The following PCDHA1 variants were observed in gnomAD, a reference collection of about 807,000 sequenced individuals.
The protein encoded by PCDHA1 is protocadherin alpha 1.
A neutral mutation model predicts 61.3 loss-of-function variants in PCDHA1; 42 were observed. The observed-to-expected ratio is 0.69, with a 90% CI of 0.54 to 0.89. The LOEUF (loss-of-function observed/expected upper bound fraction) is 0.89, where lower values mean the gene tolerates loss of function less well. Among genes scored for constraint, PCDHA1 ranks in the 40% least tolerant of loss-of-function variants. The pLI, the probability that PCDHA1 is intolerant of heterozygous loss-of-function variation, is 0.00. For synonymous variants in PCDHA1, 610 were observed against 553.8 expected, an observed-to-expected ratio of 1.10 and a Z score of -1.43; for missense variants, 1,256 against 1,235.3, an observed-to-expected ratio of 1.02 and a Z score of -0.25.
intron 3 of PCDHA1, among the ~76,000 whole-genome samples, chr5:140,990,307 A>C (rs1409511282): frequency 2.6e-5 from 4 of 152,132 alleles, no homozygotes; most frequent in Non-Finnish European, 5.9e-5. Flanking sequence ...TGTCTGTAAA[A>C]AACCAACCAA....
At chr5:140,987,432 T>G (rs1401623974) in intron 3 of PCDHA1, among the ~76,000 whole-genome samples, 1 of 152,152 alleles carries the variant, frequency 6.6e-6, no homozygotes, top group Non-Finnish European at 1.5e-5. Flanking sequence ...GCAGGGGGCC[T>G]TTCCCCATGC....
intron 3 of PCDHA1, among the ~76,000 whole-genome samples, chr5:140,989,698 A>G (rs145222021): frequency 6.6e-6 from 1 of 152,344 alleles, no homozygotes; most frequent in African/African-American, 2.4e-5. Flanking sequence ...TGAAAATTTT[A>G]TCTTCAGAGG....
chr5:140,858,135 T>G lies in PCDHA1; in HGVS notation c.2394+69451T>G, dbSNP rs1215623176. 3 of 1,597,334 alleles carry G rather than the reference T, an allele frequency of 1.9e-6. No homozygotes were observed. The African/African-American group carries it at 4.0e-5, about 21-fold the overall frequency. ...GAGGTGGCCCTGGTGGATGTCAACG[T>G]GTACCTGATCATCGCCATCTGCGCG... is the stretch of plus-strand genomic sequence containing the variant. On this transcript the variant is annotated intron_variant, in intron 1 of 3. Transcript: ENST00000504120.
At chr5:140,912,694 G>A (rs1328426442) in intron 1 of PCDHA1, among the ~76,000 whole-genome samples, 1 of 152,090 alleles carries the variant, frequency 6.6e-6, no homozygotes, top group Non-Finnish European at 1.5e-5. Flanking sequence ...GGTCTCAGGG[G>A]GAATGCTTTC....
chr5:140,795,417 G>C (rs781852321), intron 1 of PCDHA1: 1 of 1,614,132 alleles, frequency 6.2e-7, no homozygotes, highest in Admixed American at 1.7e-5. Flanking sequence ...TTGATTCTCG[G>C]TTTCCTCTAG....
chr5:140,882,580 C>G (rs371338305), intron 1 of PCDHA1: 3 of 1,614,244 alleles, frequency 1.9e-6, no homozygotes, highest in East Asian at 4.5e-5. Flanking sequence ...AGTGCAGCAT[C>G]CACCTGGAGG....
At chr5:140,979,826 G>A (rs1338756237) in intron 2 of PCDHA1, among the ~76,000 whole-genome samples, 1 of 152,184 alleles carries the variant, frequency 6.6e-6, no homozygotes, top group East Asian at 1.9e-4. Context: ...TAATTTTAAA[G>A]AAGAAATAAT....
intron 1 of PCDHA1, among the ~76,000 whole-genome samples, chr5:140,820,180 G>A (rs1766704546): frequency 6.6e-6 from 1 of 151,862 alleles, no homozygotes; most frequent in Non-Finnish European, 1.5e-5. Flanking sequence ...AATAGTCTGG[G>A]AAATTGATTT....
At chr5:140,855,432 A>T (rs2043465166) in intron 1 of PCDHA1, among the ~76,000 whole-genome samples, 1 of 150,022 alleles carries the variant, frequency 6.7e-6, no homozygotes, top group Non-Finnish European at 1.5e-5. Context: ...TCTAGTGATG[A>T]CTAGATCTTC....
At chr5:141,005,701 CAAAAAAAAAAAAAA>C (rs59860837) in intron 3 of PCDHA1, among the ~76,000 whole-genome samples, 79 of 7,792 alleles carry the variant, frequency 0.01, 1 homozygote, top group Admixed American at 0.027. Flanking sequence ...AACTCCGTCT[CAAAAAAAAAAAAAA>C]AAAAAAAAAA....
chr5:140,813,549 T>C (rs1473558767), intron 1 of PCDHA1: 2 of 152,192 alleles, frequency 1.3e-5, no homozygotes, highest in Non-Finnish European at 2.9e-5. Flanking sequence ...AATAGGGTAC[T>C]TACCCTATGA....
rs782194896 is a variant in PCDHA1 at position 140,992,662 on chromosome 5, G to A, written c.2542+10099G>A. Among the ~76,000 whole-genome samples, 4 of 152,160 alleles carry A rather than the reference G, an allele frequency of 2.6e-5. 1 individual carries two copies. The highest frequency in any genetic ancestry group is 5.9e-5 in the Non-Finnish European group (4 of 68,028). ...GAAAATAGAAGAAAGAGCCTGATTGGTGTGTATGTGTGTGTTAGGGGTTGA... is the reference window on the plus strand; with the variant it reads ...GAAAATAGAAGAAAGAGCCTGATTGATGTGTATGTGTGTGTTAGGGGTTGA... On this transcript the variant is annotated intron_variant, in intron 3 of 3. Transcript: ENST00000504120.
intron 1 of PCDHA1, among the ~76,000 whole-genome samples, chr5:140,900,829 A>G (rs2068324648): frequency 6.6e-6 from 1 of 152,110 alleles, no homozygotes; most frequent in Non-Finnish European, 1.5e-5. Context: ...TCCCACCAAC[A>G]ATGTACAAAG....
chr5:140,833,118 A>G (rs1296714112), intron 1 of PCDHA1, among the ~76,000 whole-genome samples: 1 of 152,250 alleles, frequency 6.6e-6, no homozygotes, highest in African/African-American at 2.4e-5. Flanking sequence ...CTTCAAAGTC[A>G]TTTGAAAGCT....
At chr5:140,850,038 G>C (rs2150464728) in intron 1 of PCDHA1, 1 of 1,596,736 alleles carries the variant, frequency 6.3e-7, no homozygotes, top group East Asian at 2.2e-5. Flanking sequence ...CGCGGAGAGC[G>C]GCAAGGTGTA....
rs782096552 is a variant in PCDHA1, at chr5:140,788,108, G to T, written c.1818G>T (p.Trp606Cys). Residue 606 changes from tryptophan to cysteine, a missense_variant, in exon 1 of 4, where the codon TGG becomes TGT. By Grantham distance (215) the Trp-to-Cys change is radical (BLOSUM62 -2). Coordinates refer to ENST00000504120, the MANE Select transcript of PCDHA1 (RefSeq NM_018900.4). ...ACGCCGACTCGGGCTACAACGCGTG[G>T]CTGTCCTATGAACTGCAGCCGGCAG... ...AVDADSGYNA[W>C]LSYELQPAAG... 2 of 1,613,894 alleles carry T rather than the reference G, an allele frequency of 1.2e-6. No homozygotes were observed. Among genetic ancestry groups the T allele is most frequent in the Non-Finnish European group, 1.7e-6 (2 of 1,179,930 alleles).
At chr5:140,928,868 C>G (rs374918492) in intron 1 of PCDHA1, 32 of 1,614,062 alleles carry the variant, frequency 2.0e-5, no homozygotes, top group Non-Finnish European at 2.6e-5. Context: ...TTGAGCAACT[C>G]TGTCCCTCAG....
Position 140,795,759 on chromosome 5 carries a change from C to T in PCDHA1, c.2394+7075C>T, listed in dbSNP as rs150248027. The T allele has an allele frequency of 7.1e-5, 115 of 1,613,954 alleles. No individual in the cohort carries two copies. The African/African-American group carries it at 1.4e-3, about 19-fold the overall frequency. On this transcript the variant is annotated intron_variant, in intron 1 of 3. Coordinates refer to ENST00000504120, the MANE Select transcript of PCDHA1 (RefSeq NM_018900.4). ...ATGGGACCTTAGTGGTTAAGTTAAA[C>T]GCTTCTGATGCAGATGAAGGACCGA...
intron 1 of PCDHA1, among the ~76,000 whole-genome samples, chr5:140,922,031 G>T (rs933616833): frequency 6.6e-6 from 1 of 152,010 alleles, no homozygotes; most frequent in African/African-American, 2.4e-5. Context: ...TATAAAAAAT[G>T]TAATTTTCCC....
Sources: allele counts gnomAD v4.1 joint callset (sites outside exome capture counted in the v4.1 genomes callset), GRCh38; gene constraint gnomAD v4.1.1; transcripts MANE v1.5; gene names NCBI Gene and HGNC (gene_info 2026-07-23, HGNC 2026-07-21).